Variants in MAPKBP1 observed in about 807,000 individuals in gnomAD.
MAPKBP1 encodes the protein mitogen-activated protein kinase-binding protein 1.
MAPKBP1 carries 71 observed loss-of-function variants against 170.5 expected under a neutral mutation model. The ratio of observed to expected loss-of-function variants is 0.42; its 90% CI spans 0.34 to 0.51. MAPKBP1 has a LOEUF of 0.51. Among genes scored for constraint, MAPKBP1 ranks in the 20% least tolerant of loss-of-function variants. The pLI is 0.06. For synonymous variants in MAPKBP1, 719 were observed against 757.9 expected (o/e 0.95, Z 0.84); for missense variants, 1,598 against 1,933.0 (o/e 0.83, Z 3.25).
intron 2 of MAPKBP1, among the ~76,000 whole-genome samples, chr15:41,775,860 C>A (rs753578661): frequency 4.0e-4 from 61 of 152,194 alleles, no homozygotes; most frequent in Admixed American, 9.8e-4. Flanking sequence ...ATTGCTCTTG[C>A]CTACGGTGAA....
chr15:41,796,695 T>G (rs1333742736), intron 2 of MAPKBP1, among the ~76,000 whole-genome samples: 1 of 152,074 alleles, frequency 6.6e-6, no homozygotes, highest in Non-Finnish European at 1.5e-5. Context: ...CCAGGCAAAC[T>G]CCTGCCTGTG....
At chr15:41,797,000 T>TATGC (rs1256965128) in intron 2 of MAPKBP1, among the ~76,000 whole-genome samples, 1 of 152,246 alleles carries the variant, frequency 6.6e-6, no homozygotes, top group African/African-American at 2.4e-5. Flanking sequence ...GTTTTATGCA[T>TATGC]ATGCACACAC....
intron 3 of MAPKBP1, among the ~76,000 whole-genome samples, chr15:41,800,175 G>T (rs1244959451): frequency 6.6e-6 from 1 of 152,034 alleles, no homozygotes; most frequent in Non-Finnish European, 1.5e-5. Flanking sequence ...ACAGTTCCCA[G>T]CACCATCTTC....
chr15:41,818,646 CT>C lies in MAPKBP1; in HGVS notation c.2156+65del. 6.5e-7 allele frequency: 1 copy of C among 1,540,594 alleles called. No individual in the cohort carries two copies. The highest frequency in any genetic ancestry group is 8.9e-7 in the Non-Finnish European group (1 of 1,127,244). On this transcript the variant is annotated intron_variant, in intron 19 of 30. Transcript: ENST00000457542. This position sits in a 1 kb window ranked among gnomAD's most constrained non-coding sequence, Gnocchi z 5.2. ...CTCTGCCACAGCACCCTGCCCTCCC[CT>C]CTCTCCATTTCAGTGATGTCTCTGG...
intron 3 of MAPKBP1, among the ~76,000 whole-genome samples, chr15:41,808,820 G>C (rs1288631030): frequency 6.6e-6 from 1 of 151,982 alleles, no homozygotes; most frequent in African/African-American, 2.4e-5. Context: ...TTCTAGAAGG[G>C]GAAGCAGGAG....
intron 2 of MAPKBP1, among the ~76,000 whole-genome samples, chr15:41,784,780 C>CA (rs35050206): frequency 0.81 from 76,561 of 94,708 alleles, 30,698 homozygotes; most frequent in East Asian, 0.88. Context: ...GACTCCGTCT[C>CA]AAAAAAAAAA....
Position 41,825,524 on chromosome 15 carries a change from T to C in MAPKBP1, c.*88T>C. Reference sequence around the variant, plus strand: ...CCCTCACCAAAACCTGCGGGGCTGCTTGGAGTGGAAAGCAGGGAGCAGTGT... The same window carrying C: ...CCCTCACCAAAACCTGCGGGGCTGCCTGGAGTGGAAAGCAGGGAGCAGTGT... On this transcript the variant is annotated 3_prime_UTR_variant, in exon 31 of 31. Coordinates refer to ENST00000457542, the MANE Select transcript of MAPKBP1 (RefSeq NM_014994.3). 8.1e-7 allele frequency: 1 copy of C among 1,229,346 alleles called. No individual in the cohort carries two copies. The highest frequency in any genetic ancestry group is 1.1e-6 in the Non-Finnish European group (1 of 888,890). 76.2% of individuals were successfully genotyped at this position (1,229,346 alleles called of 1,614,324 possible).
intron 2 of MAPKBP1, among the ~76,000 whole-genome samples, chr15:41,795,417 G>T (rs1051690369): frequency 6.6e-6 from 1 of 151,936 alleles, no homozygotes; most frequent in Non-Finnish European, 1.5e-5. Flanking sequence ...GGTGGAGTGA[G>T]TGAGTGAAGG....
At position 41,818,896 on chromosome 15, in the gene MAPKBP1, C is replaced by T. The variant is rs756233868; in HGVS notation, c.2230C>T (p.Arg744Cys). Reference sequence around the variant, plus strand: ...GCAGCGTCTGGCCGAGTTGCGCCAGCGTCAGCGGGGCGGCAAGCAGCAAGG... The same window carrying T: ...GCAGCGTCTGGCCGAGTTGCGCCAGTGTCAGCGGGGCGGCAAGCAGCAAGG... ...MRQRLAELRQ[R>C]QRGGKQQGPS... Residue 744 changes from arginine (R) to cysteine (C), a missense_variant, in exon 20 of 31, where the codon CGT (arginine) becomes TGT (cysteine). This residue lies in a region of MAPKBP1 where 63 missense variants were observed against 115.2 expected (regional missense o/e 0.55). Transcript: ENST00000457542. The surrounding 1 kb of genome is among the most constrained non-coding windows in gnomAD (Gnocchi z 5.2). 58 of 1,614,212 alleles carry T rather than the reference C, an allele frequency of 3.6e-5. 1 individual carries two copies. In the Middle Eastern group the frequency reaches 5.8e-3, roughly 161 times the overall value.
chr15:41,795,764 G>A (rs542592205), intron 2 of MAPKBP1, among the ~76,000 whole-genome samples: 5 of 152,140 alleles, frequency 3.3e-5, no homozygotes, highest in Non-Finnish European at 5.9e-5. Context: ...ACGGCGTCAC[G>A]CCCGGCTAAT....
At chr15:41,822,800 G>T in intron 27 of MAPKBP1, 123 bp downstream of exon 27, 3 of 1,459,728 alleles carry the variant, frequency 2.1e-6, no homozygotes, top group Non-Finnish European at 2.8e-6. Context: ...CCAGTTTTGG[G>T]CTAACTGGCC....
intron 2 of MAPKBP1, among the ~76,000 whole-genome samples, chr15:41,780,651 C>A (rs533830873): frequency 6.6e-5 from 10 of 152,178 alleles, no homozygotes; most frequent in African/African-American, 2.4e-4. Context: ...GGTTTTCTGG[C>A]AGCTTCCTTT....
rs188811038 is a variant in MAPKBP1, at chr15:41,820,847, G to A, written c.2497G>A (p.Gly833Arg). Residue 833 changes from glycine (G) to arginine (R), a missense_variant, in exon 23 of 31, where the codon GGG becomes AGG. Physicochemically the swap from Gly to Arg is moderately radical, Grantham distance 125 (BLOSUM62 -2). Coordinates refer to ENST00000457542, the MANE Select transcript of MAPKBP1 (RefSeq NM_014994.3). ...CTCCCACCAGGCACAGGAGTCCGTG[G>A]GGTTCCTGGACCCAGCTCCTGCAGC... ...WEMSRAQESV[G>R]FLDPAPAANP... 1.5e-4 allele frequency: 243 copies of A among 1,613,786 alleles called. No homozygotes were observed. In the East Asian group the frequency reaches 5.0e-3, roughly 33 times the overall value.
At chr15:41,787,035 A>G (rs992299212) in intron 2 of MAPKBP1, among the ~76,000 whole-genome samples, 7 of 150,826 alleles carry the variant, frequency 4.6e-5, no homozygotes, top group African/African-American at 1.7e-4. Flanking sequence ...AGTAGCTGGG[A>G]TTACAGGCGT....
At position 41,815,740 on chromosome 15, in the gene MAPKBP1, G is replaced by A. The variant is rs143874014; in HGVS notation, c.1434G>A (p.Ser478=). ...SLLDPRVGIR[S]VCVSPNGQHL... is the part of the protein sequence containing the mutation. ...TGGATCCCCGCGTGGGCATCCGCTC[G>A]GTGTGTGTCAGCCCCAATGGACAGC... is the stretch of plus-strand genomic sequence containing the variant. The change falls in exon 12 of 31, where the codon TCG becomes TCA. Residue 478 remains serine, a synonymous_variant. Transcript: ENST00000457542. 9.9e-5 allele frequency: 159 copies of A among 1,614,050 alleles called. No individual in the cohort carries two copies. The highest frequency in any genetic ancestry group is 1.5e-4 in the Admixed American group (9 of 59,992).
chr15:41,792,618 G>A (rs1026826281), intron 2 of MAPKBP1, among the ~76,000 whole-genome samples: 6 of 152,208 alleles, frequency 3.9e-5, no homozygotes, highest in Non-Finnish European at 8.8e-5. Context: ...AGCTGTAGAT[G>A]GATGGGTCAG....
chr15:41,775,503 G>T, intron 2 of MAPKBP1, 114 bp downstream of exon 2: 1 of 767,900 alleles, frequency 1.3e-6, no homozygotes, highest in Non-Finnish European at 2.2e-6. Flanking sequence ...TGACTCTAAA[G>T]GATCACATAT....
intron 29 of MAPKBP1, 52 bp downstream of exon 29, chr15:41,824,113 C>T (rs1177879525): frequency 1.3e-6 from 2 of 1,537,966 alleles, no homozygotes; most frequent in African/African-American, 1.4e-5. Context: ...ACTCTCCCCT[C>T]TCTGTTGGCC....
chr15:41,807,683 A>C (rs2064723640), intron 3 of MAPKBP1, among the ~76,000 whole-genome samples: 1 of 152,224 alleles, frequency 6.6e-6, no homozygotes. Context: ...CTCTGAATTC[A>C]TGATAGTGGC....
Sources: gnomAD v4.1 joint callset for allele counts (sites outside exome capture counted in the v4.1 genomes callset) on GRCh38, gnomAD v4.1.1 for gene constraint, gnomAD v4.1.1 regional missense constraint, Gnocchi (gnomAD v3.1) non-coding constraint, MANE v1.5 for transcripts, NCBI Gene and HGNC (gene_info 2026-07-23, HGNC 2026-07-21) for gene names.